Variants in MRAP2 observed in about 807,000 individuals in gnomAD.
MRAP2 encodes melanocortin-2 receptor accessory protein 2.
In MRAP2, 20 loss-of-function variants were observed where a neutral mutation model predicts 17.4. That is an observed-to-expected ratio of 1.15 (90% CI 0.81 to 1.67). The LOEUF is 1.67. MRAP2 is among the 40% of genes most tolerant of loss of function. The probability of loss-of-function intolerance (pLI) is 0.00; values close to 1 mark genes in which losing one functional copy is unlikely to be tolerated. For synonymous variants in MRAP2, 96 were observed against 88.4 expected, an observed-to-expected ratio of 1.09 and a Z score of -0.48; for missense variants, 238 against 240.0, an observed-to-expected ratio of 0.99 and a Z score of 0.05.
chr6:84,088,669 A>G (rs1406365027), intron 3 of MRAP2, among the ~76,000 whole-genome samples: 1 of 152,200 alleles, frequency 6.6e-6, no homozygotes, highest in Non-Finnish European at 1.5e-5. Context: ...AGTATGAGTA[A>G]TGATCCTTAG....
At chr6:84,141,340 TA>T in the MRAP2 span, among the ~76,000 whole-genome samples, 3 of 152,132 alleles carry the variant, frequency 2.0e-5, no homozygotes, top group South Asian at 6.2e-4. Context: ...AAAGAGGGCA[TA>T]AAAGAGTGTC....
the MRAP2 span, among the ~76,000 whole-genome samples, chr6:84,140,262 G>C: frequency 6.6e-6 from 1 of 152,088 alleles, no homozygotes; most frequent in Non-Finnish European, 1.5e-5. Flanking sequence ...TTCAAACTTT[G>C]TTGTTTGGTT....
At chr6:84,094,185 T>G (rs547703032), downstream of MRAP2, among the ~76,000 whole-genome samples, 4 of 152,316 alleles carry the variant, frequency 2.6e-5, no homozygotes, top group East Asian at 7.7e-4. Context: ...ACACTCCTAA[T>G]TTTTTCAGAG....
intron 1 of MRAP2, among the ~76,000 whole-genome samples, chr6:84,037,121 G>A (rs1030492733): frequency 3.3e-5 from 5 of 152,034 alleles, no homozygotes; most frequent in African/African-American, 1.2e-4. Context: ...AGATTAGCTA[G>A]ACACAGAGCA....
At chr6:84,050,582 C>T (rs1337039589) in intron 1 of MRAP2, among the ~76,000 whole-genome samples, 1 of 152,154 alleles carries the variant, frequency 6.6e-6, no homozygotes, top group Non-Finnish European at 1.5e-5. Context: ...CAAAGTGCAG[C>T]GTGTCTGAGC....
At chr6:84,142,925 A>C in the MRAP2 span, among the ~76,000 whole-genome samples, 1 of 152,250 alleles carries the variant, frequency 6.6e-6, no homozygotes, top group South Asian at 2.1e-4. Context: ...TGATGACTAG[A>C]TGTTTAATGG....
intron 1 of MRAP2, among the ~76,000 whole-genome samples, chr6:84,042,516 T>C (rs1374707516): frequency 6.6e-6 from 1 of 152,220 alleles, no homozygotes; most frequent in Non-Finnish European, 1.5e-5. Context: ...TCTTGTATTA[T>C]TGATGCTCCA....
chr6:84,126,798 T>C, the MRAP2 span, among the ~76,000 whole-genome samples: 1 of 152,154 alleles, frequency 6.6e-6, no homozygotes, highest in African/African-American at 2.4e-5. Context: ...CTTTCTTTAA[T>C]GCATTAAGTT....
In MRAP2 at chr6:84,089,807, G is replaced by GTT; in HGVS notation, c.*329_*330dup. Reference sequence around the variant, plus strand: ...AATTTTAAACTTTATTAAAACATGAGTTTTGTTTTTTTTTTTGCTATTTTT... The same window carrying GTT: ...AATTTTAAACTTTATTAAAACATGAGTTTTTTGTTTTTTTTTTTGCTATTTTT... On this transcript the variant is annotated 3_prime_UTR_variant, in exon 4 of 4. Transcript: ENST00000257776. 4.7e-6 allele frequency: 1 copy of GTT among 210,664 alleles called. No individual in the cohort carries two copies. Among genetic ancestry groups the GTT allele is most frequent in the South Asian group, 1.4e-4 (1 of 6,924 alleles). The allele number at this position is 210,664 out of a possible 1,614,324, so 13.0% of individuals were successfully genotyped here. A position where few individuals can be genotyped will look rare whatever the true frequency, so the allele number is the denominator to read the frequency against.
intron 3 of MRAP2, among the ~76,000 whole-genome samples, chr6:84,075,254 C>T (rs1233472078): frequency 1.3e-5 from 2 of 152,156 alleles, no homozygotes; most frequent in Admixed American, 6.6e-5. Context: ...GCCACACCCA[C>T]CTGACTGCCC....
At chr6:84,080,610 T>G (rs1194960662) in intron 3 of MRAP2, among the ~76,000 whole-genome samples, 3 of 152,212 alleles carry the variant, frequency 2.0e-5, no homozygotes, top group Admixed American at 2.0e-4. Context: ...TCAGGCTAAG[T>G]CTACCTGAAG....
At chr6:84,033,401 G>A (rs981405826), upstream of MRAP2, among the ~76,000 whole-genome samples, 1 of 152,156 alleles carries the variant, frequency 6.6e-6, no homozygotes, top group East Asian at 1.9e-4. Flanking sequence ...TTATGGGGGG[G>A]CTCTGGCCTT....
In MRAP2 at chr6:84,084,921, AT is replaced by A. The variant is rs1320078206; in HGVS notation, c.228-4166del. ...TTATTTTATTTTATTTTATTTATTT[AT>A]TTTATTTTACTTTATTTTATTTTAT... On this transcript the variant is annotated intron_variant, in intron 3 of 3. Transcript: ENST00000257776. 4.4e-4 allele frequency among the ~76,000 whole-genome samples: 44 copies of A among 100,984 alleles called. 1 individual carries two copies. The highest frequency in any genetic ancestry group is 1.2e-3 in the South Asian group (4 of 3,366). The allele number at this position is 100,984 out of a possible 152,430, so 66.2% of individuals were successfully genotyped here.
chr6:84,128,099 C>T, the MRAP2 span, among the ~76,000 whole-genome samples: 2 of 152,166 alleles, frequency 1.3e-5, no homozygotes, highest in Admixed American at 6.6e-5. Flanking sequence ...ATTCCTAGCA[C>T]CCAGCGCTGC....
chr6:84,138,869 G>A, the MRAP2 span, among the ~76,000 whole-genome samples: 1 of 152,154 alleles, frequency 6.6e-6, no homozygotes, highest in Non-Finnish European at 1.5e-5. Context: ...CTTAAACACT[G>A]AAAAGAATGC....
chr6:84,113,346 C>T, the MRAP2 span, among the ~76,000 whole-genome samples: 1 of 152,034 alleles, frequency 6.6e-6, no homozygotes, highest in Non-Finnish European at 1.5e-5. Flanking sequence ...TTATGTAATA[C>T]CCTTCTTTGT....
chr6:84,047,990 TACA>T (rs1413723830), intron 1 of MRAP2, among the ~76,000 whole-genome samples: 1 of 152,240 alleles, frequency 6.6e-6, no homozygotes, highest in Non-Finnish European at 1.5e-5. Context: ...GCATTGTATA[TACA>T]ACATTTTATT....
At chr6:84,130,650 T>G in the MRAP2 span, among the ~76,000 whole-genome samples, 1 of 152,136 alleles carries the variant, frequency 6.6e-6, no homozygotes, top group African/African-American at 2.4e-5. Flanking sequence ...TGCATAGAGG[T>G]GTTTATAGTA....
intron 2 of MRAP2, chr6:84,062,104 A>G (rs1374303127): frequency 1.0e-6 from 1 of 985,346 alleles, no homozygotes; most frequent in Non-Finnish European, 1.2e-6. Context: ...TTGAGATGCT[A>G]ACCAATTGAG....
Sources: allele counts gnomAD v4.1 joint callset (sites outside exome capture counted in the v4.1 genomes callset), GRCh38; gene constraint gnomAD v4.1.1; transcripts MANE v1.5; gene names NCBI Gene and HGNC (gene_info 2026-07-23, HGNC 2026-07-21).